MTUS2: variants seen among roughly 807,000 people sequenced by gnomAD.
MTUS2 encodes microtubule associated scaffold protein 2, also known as microtubule-associated tumor suppressor candidate 2.
In MTUS2, 40 loss-of-function variants were observed where a neutral mutation model predicts 114.1. That is an observed-to-expected ratio of 0.35 (90% CI 0.27 to 0.46). The LOEUF is 0.46. Ranked by LOEUF, MTUS2 falls within the 20% of genes least tolerant of loss-of-function variation. The probability of loss-of-function intolerance (pLI) is 1.00; values close to 1 mark genes in which losing one functional copy is unlikely to be tolerated. For missense variants in MTUS2, 1,679 were observed against 1,705.4 expected, an observed-to-expected ratio of 0.98 and a Z score of 0.27; for synonymous variants, 688 against 672.0, an observed-to-expected ratio of 1.02 and a Z score of -0.37.
intron 1 of MTUS2, among the ~76,000 whole-genome samples, chr13:28,824,183 G>T (rs1170516615): frequency 1.3e-5 from 2 of 152,002 alleles, no homozygotes; most frequent in Non-Finnish European, 2.9e-5. Flanking sequence ...TTTTGTTCTA[G>T]CCCACACAAA....
At chr13:29,211,622 C>T (rs1895442558) in intron 5 of MTUS2, among the ~76,000 whole-genome samples, 1 of 152,210 alleles carries the variant, frequency 6.6e-6, no homozygotes, top group African/African-American at 2.4e-5. Flanking sequence ...GCCCACGGAA[C>T]TCTTCCCACT....
intron 2 of MTUS2, among the ~76,000 whole-genome samples, chr13:28,960,502 A>G (rs1317890058): frequency 1.3e-5 from 2 of 152,236 alleles, no homozygotes; most frequent in Non-Finnish European, 2.9e-5. Context: ...ATCCTCATAC[A>G]ATTGAATGTT....
intron 6 of MTUS2, among the ~76,000 whole-genome samples, chr13:29,315,869 A>G (rs1268717014): frequency 6.6e-6 from 1 of 152,230 alleles, no homozygotes; most frequent in Admixed American, 6.5e-5. Flanking sequence ...TGAGATGGCA[A>G]GGGGATAGAA....
At chr13:28,865,457 A>T (rs1877242311) in intron 2 of MTUS2, among the ~76,000 whole-genome samples, 1 of 152,198 alleles carries the variant, frequency 6.6e-6, no homozygotes, top group African/African-American at 2.4e-5. Context: ...CGAAATCATC[A>T]TATTAAGTTG....
chr13:29,319,994 G>A (rs149758540), intron 6 of MTUS2, among the ~76,000 whole-genome samples: 1 of 152,320 alleles, frequency 6.6e-6, no homozygotes, highest in African/African-American at 2.4e-5. Flanking sequence ...GCTGCAGTAC[G>A]CTGAATACTG....
intron 5 of MTUS2, among the ~76,000 whole-genome samples, chr13:29,226,806 CT>C (rs1278489126): frequency 6.6e-6 from 1 of 152,094 alleles, no homozygotes; most frequent in African/African-American, 2.4e-5. Flanking sequence ...TACATGTAAG[CT>C]TTGTTACTTT....
At chr13:29,324,561 CAATTTT>C (rs999004187) in intron 6 of MTUS2, 46 bp from the exon 7 acceptor site, 23 of 1,364,832 alleles carry the variant, frequency 1.7e-5, no homozygotes, top group Admixed American at 1.0e-4. Context: ...GTTGCCATTT[CAATTTT>C]AAGTAGCTTA....
At chr13:29,500,015 G>C (rs371131649) in intron 14 of MTUS2, among the ~76,000 whole-genome samples, 1 of 152,244 alleles carries the variant, frequency 6.6e-6, no homozygotes, top group Non-Finnish European at 1.5e-5. Flanking sequence ...CTGCCTTGCA[G>C]CCTTGCCAGT....
chr13:29,500,134 T>G (rs1882792251), intron 14 of MTUS2, among the ~76,000 whole-genome samples: 1 of 152,232 alleles, frequency 6.6e-6, no homozygotes, highest in Non-Finnish European at 1.5e-5. Flanking sequence ...ATTTTAGCCA[T>G]CCTCCAGGCT....
intron 4 of MTUS2, among the ~76,000 whole-genome samples, chr13:29,077,210 T>A (rs547721201): frequency 6.6e-6 from 1 of 152,260 alleles, no homozygotes; most frequent in East Asian, 1.9e-4. Context: ...AGAGTTGTGT[T>A]TAAAGAGGTT....
At chr13:29,040,250 AGAATAAT>A (rs1887284661) in intron 4 of MTUS2, among the ~76,000 whole-genome samples, 1 of 152,230 alleles carries the variant, frequency 6.6e-6, no homozygotes, top group South Asian at 2.1e-4. Context: ...TACTTCGCTT[AGAATAAT>A]GGTCTCCAAC....
intron 6 of MTUS2, among the ~76,000 whole-genome samples, chr13:29,317,892 C>A (rs140542798): frequency 1.4e-3 from 211 of 152,316 alleles, no homozygotes; most frequent in African/African-American, 4.8e-3. Context: ...CAGAATCTGT[C>A]TTTTCTGATT....
intron 8 of MTUS2, among the ~76,000 whole-genome samples, chr13:29,362,521 A>T (rs9506160): frequency 4.4e-5 from 1 of 22,586 alleles, no homozygotes; most frequent in African/African-American, 8.5e-5. Context: ...TACCAAAAAT[A>T]AAAAAAATTA....
chr13:29,206,177 T>C (rs1895177498), intron 5 of MTUS2, among the ~76,000 whole-genome samples: 1 of 152,252 alleles, frequency 6.6e-6, no homozygotes, highest in South Asian at 2.1e-4. Flanking sequence ...ATGAACATTT[T>C]TGCATATGTT....
chr13:29,125,743 C>T (rs1222061028), intron 5 of MTUS2, among the ~76,000 whole-genome samples: 1 of 152,142 alleles, frequency 6.6e-6, no homozygotes, highest in Non-Finnish European at 1.5e-5. Context: ...CTCTTTATTT[C>T]ATGATGATTT....
rs1881086444 is a variant in MTUS2, at chr13:29,480,522, TCTC to T, written c.3399+163_3399+165del. On this transcript the variant is annotated intron_variant, in intron 10 of 15. Transcript: ENST00000612955. The surrounding 1 kb of genome is among the most constrained non-coding windows in gnomAD (Gnocchi z 4.4). ...TTCTCCTTTCTCCCCGCTCCTCTCT[TCTC>T]CTCCAGCCACTGTGGCCTCCTTCAC... Among the ~76,000 whole-genome samples the T allele has an allele frequency of 6.6e-6, 1 of 152,116 alleles. No homozygotes were observed. The highest frequency in any genetic ancestry group is 1.5e-5 in the Non-Finnish European group (1 of 68,028).
At chr13:29,151,182 G>A (rs1892650451) in intron 5 of MTUS2, among the ~76,000 whole-genome samples, 1 of 152,038 alleles carries the variant, frequency 6.6e-6, no homozygotes, top group Non-Finnish European at 1.5e-5. Context: ...AACATGAAAT[G>A]TTTTTCCATT....
intron 7 of MTUS2, among the ~76,000 whole-genome samples, chr13:29,356,482 A>G (rs774011625): frequency 2.0e-5 from 3 of 152,224 alleles, no homozygotes; most frequent in South Asian, 2.1e-4. Context: ...TTCGTTCAAC[A>G]TAAGCTCTCT....
chr13:29,029,920 C>G (rs1054065850), intron 3 of MTUS2, among the ~76,000 whole-genome samples: 1 of 152,210 alleles, frequency 6.6e-6, no homozygotes, highest in African/African-American at 2.4e-5. Flanking sequence ...TAGACCCCAC[C>G]TCCAACATTG....
Sources: gnomAD v4.1 joint callset for allele counts (sites outside exome capture counted in the v4.1 genomes callset) on GRCh38, gnomAD v4.1.1 for gene constraint, Gnocchi (gnomAD v3.1) non-coding constraint, MANE v1.5 for transcripts, NCBI Gene and HGNC (gene_info 2026-07-23, HGNC 2026-07-21) for gene names.